Variants in CNTNAP2 observed in about 807,000 individuals in gnomAD.
CNTNAP2 encodes contactin associated protein 2.
CNTNAP2 carries 98 observed loss-of-function variants against 155.2 expected under a neutral mutation model. That is an observed-to-expected ratio of 0.63 (90% CI 0.54 to 0.75). The LOEUF (loss-of-function observed/expected upper bound fraction) is 0.75, where lower values mean the gene tolerates loss of function less well. CNTNAP2 is among the 30% of genes least tolerant of loss of function. The probability of loss-of-function intolerance (pLI) is 0.00; values close to 1 mark genes in which losing one functional copy is unlikely to be tolerated. For synonymous variants in CNTNAP2, 651 were observed against 631.2 expected (o/e 1.03, Z -0.47); for missense variants, 1,727 against 1,688.1 (o/e 1.02, Z -0.40).
At chr7:147,584,894 G>C (rs562033178) in intron 12 of CNTNAP2, among the ~76,000 whole-genome samples, 7 of 152,256 alleles carry the variant, frequency 4.6e-5, no homozygotes, top group African/African-American at 1.7e-4. Flanking sequence ...CAGGATCAGG[G>C]GAGAAGGATG....
intron 13 of CNTNAP2, among the ~76,000 whole-genome samples, chr7:147,816,274 G>A (rs1798265016): frequency 6.6e-6 from 1 of 152,150 alleles, no homozygotes; most frequent in Non-Finnish European, 1.5e-5. Context: ...TACTGAGCTG[G>A]AGGGCTTGAG....
intron 14 of CNTNAP2, among the ~76,000 whole-genome samples, chr7:147,948,988 G>C (rs1044554264): frequency 3.3e-5 from 5 of 151,864 alleles, no homozygotes; most frequent in Non-Finnish European, 5.9e-5. Context: ...GATCACCTGA[G>C]GTTGGGAGTT....
At chr7:147,734,853 A>G (rs1233451867) in intron 13 of CNTNAP2, among the ~76,000 whole-genome samples, 1 of 152,112 alleles carries the variant, frequency 6.6e-6, no homozygotes, top group Non-Finnish European at 1.5e-5. Context: ...CTGTGGGATC[A>G]GTGGTGATAT....
chr7:148,060,661 T>C (rs1380893522), intron 15 of CNTNAP2, among the ~76,000 whole-genome samples: 1 of 152,222 alleles, frequency 6.6e-6, no homozygotes, highest in African/African-American at 2.4e-5. Context: ...CATATTTTAA[T>C]AGTTAATAGA....
intron 1 of CNTNAP2, among the ~76,000 whole-genome samples, chr7:146,214,732 T>C (rs995601996): frequency 6.6e-6 from 1 of 152,154 alleles, no homozygotes; most frequent in Non-Finnish European, 1.5e-5. Flanking sequence ...TGTTGTAAAG[T>C]TCAGAGTTAT....
intron 8 of CNTNAP2, among the ~76,000 whole-genome samples, chr7:147,197,219 C>A (rs1802822331): frequency 1.3e-5 from 2 of 151,998 alleles, no homozygotes; most frequent in African/African-American, 4.8e-5. Flanking sequence ...TTGCACAGGC[C>A]ACTACTTCAT....
intron 3 of CNTNAP2, among the ~76,000 whole-genome samples, chr7:146,850,840 A>G (rs1482561396): frequency 6.6e-6 from 1 of 152,172 alleles, no homozygotes; most frequent in Non-Finnish European, 1.5e-5. Context: ...ATAGGAAACC[A>G]AAGCTACCTA....
chr7:148,133,925 G>C (rs1358904340), intron 16 of CNTNAP2: 1 of 152,170 alleles, frequency 6.6e-6, no homozygotes, highest in Non-Finnish European at 1.5e-5. Flanking sequence ...AATGAGATAA[G>C]GGCATTTTTC....
At chr7:146,688,025 G>C (rs1051308492) in intron 1 of CNTNAP2, among the ~76,000 whole-genome samples, 17 of 152,062 alleles carry the variant, frequency 1.1e-4, no homozygotes, top group African/African-American at 4.1e-4. Context: ...AATTTCTGTG[G>C]CTAAAAACAG....
chr7:147,932,652 A>G (rs1314101128), intron 14 of CNTNAP2, among the ~76,000 whole-genome samples: 1 of 152,218 alleles, frequency 6.6e-6, no homozygotes, highest in Non-Finnish European at 1.5e-5. Context: ...GGTCTTTGCA[A>G]TGATTTCTTG....
chr7:147,018,211 C>T (rs1330968790), intron 3 of CNTNAP2, among the ~76,000 whole-genome samples: 1 of 151,858 alleles, frequency 6.6e-6, no homozygotes, highest in African/African-American at 2.4e-5. Flanking sequence ...ACATAAAATC[C>T]AATAAAAGTA....
intron 13 of CNTNAP2, among the ~76,000 whole-genome samples, chr7:147,766,880 A>G (rs1241837475): frequency 6.6e-6 from 1 of 152,080 alleles, no homozygotes; most frequent in Non-Finnish European, 1.5e-5. Flanking sequence ...AAATGTTTCT[A>G]CTTTTTATTG....
At chr7:146,238,144 C>A (rs1273479726) in intron 1 of CNTNAP2, among the ~76,000 whole-genome samples, 1 of 152,128 alleles carries the variant, frequency 6.6e-6, no homozygotes, top group Non-Finnish European at 1.5e-5. Context: ...AAAGAGGTCA[C>A]CCTTATAATA....
intron 1 of CNTNAP2, among the ~76,000 whole-genome samples, chr7:146,437,181 C>G (rs1468623413): frequency 6.6e-6 from 1 of 151,356 alleles, no homozygotes; most frequent in Admixed American, 6.6e-5. Flanking sequence ...TTATGAGAAT[C>G]AAGCTAATGC....
chr7:147,327,816 A>G (rs1390589030), intron 9 of CNTNAP2, among the ~76,000 whole-genome samples: 3 of 152,174 alleles, frequency 2.0e-5, no homozygotes, highest in Admixed American at 1.3e-4. Flanking sequence ...TGAAATTCTC[A>G]TATCATGTGG....
chr7:146,791,050 C>A (rs2129189032), intron 2 of CNTNAP2, among the ~76,000 whole-genome samples: 1 of 152,080 alleles, frequency 6.6e-6, no homozygotes, highest in African/African-American at 2.4e-5. Context: ...AGATGTTTCT[C>A]CTAATGCTAT....
intron 1 of CNTNAP2, among the ~76,000 whole-genome samples, chr7:146,656,220 C>T (rs1265680556): frequency 6.6e-6 from 1 of 152,212 alleles, no homozygotes; most frequent in African/African-American, 2.4e-5. Context: ...ATTACCCTTT[C>T]TTTTCCATCT....
At chr7:148,368,867 G>A (rs2116635739) in intron 21 of CNTNAP2, among the ~76,000 whole-genome samples, 1 of 152,292 alleles carries the variant, frequency 6.6e-6, no homozygotes, top group South Asian at 2.1e-4. Context: ...AATGTCTGGA[G>A]TCTATAGATA....
chr7:147,143,407 T>C (rs946850517), intron 8 of CNTNAP2, among the ~76,000 whole-genome samples: 3 of 152,232 alleles, frequency 2.0e-5, no homozygotes, highest in African/African-American at 7.2e-5. Flanking sequence ...TACATTTGTT[T>C]GACATGATTT....
Sources: allele counts gnomAD v4.1 joint callset (sites outside exome capture counted in the v4.1 genomes callset), GRCh38; gene constraint gnomAD v4.1.1; transcripts MANE v1.5; gene names NCBI Gene and HGNC (gene_info 2026-07-23, HGNC 2026-07-21).